Variants in KCNQ1 observed in about 807,000 individuals in gnomAD.
KCNQ1 encodes potassium voltage-gated channel subfamily KQT member 1.
Under a neutral mutation model 72.4 loss-of-function variants are expected in KCNQ1, and 49 were observed. That is an observed-to-expected ratio of 0.68 (90% CI 0.54 to 0.86). The LOEUF is 0.86. Ranked by LOEUF, KCNQ1 falls within the 40% of genes least tolerant of loss-of-function variation. KCNQ1 has a pLI of 0.00. For missense variants in KCNQ1, 790 were observed against 945.1 expected (o/e 0.84, Z 2.15); for synonymous variants, 450 against 412.6 (o/e 1.09, Z -1.10).
Position 2,602,965 on chromosome 11 carries a change from G to A in KCNQ1, c.1393+14111G>A, listed in dbSNP as rs1848828268. 6.6e-6 allele frequency among the ~76,000 whole-genome samples: 1 copy of A among 152,126 alleles called. No individual in the cohort carries two copies. The highest frequency in any genetic ancestry group is 1.5e-5 in the Non-Finnish European group (1 of 68,022). The stretch of plus-strand genomic sequence containing the variant: ...TTATGGATTACACTTCTGATGTCAG[G>A]TCTAAGAAGTCTTTGGCCCTGGACC... On this transcript the variant is annotated intron_variant, in intron 10 of 15. Transcript: ENST00000155840. The surrounding 1 kb of genome is among the most constrained non-coding windows in gnomAD (Gnocchi z 4.8).
In KCNQ1 at chr11:2,661,996, C is replaced by A. The variant is rs1162587598; in HGVS notation, c.1429C>A (p.Pro477Thr). The A allele has an allele frequency of 6.2e-7, 1 of 1,614,072 alleles. No homozygotes were observed. The highest frequency in any genetic ancestry group is 8.5e-7 in the Non-Finnish European group (1 of 1,180,034). Reference sequence around the variant, plus strand: ...CCCAACACTGCTGGAAGTGAGCATGCCCCATTTCATGAGAACCAACAGCTT... The same window carrying A: ...CCCAACACTGCTGGAAGTGAGCATGACCCATTTCATGAGAACCAACAGCTT... ...KSPTLLEVSM[P>T]HFMRTNSFAE... The change falls in exon 11 of 16, where the codon CCC becomes ACC. Residue 477 changes from proline to threonine, a missense_variant. Transcript: ENST00000155840. The surrounding 1 kb of genome is among the most constrained non-coding windows in gnomAD (Gnocchi z 5.9).
intron 11 of KCNQ1, among the ~76,000 whole-genome samples, chr11:2,758,313 C>G (rs74710550): frequency 5.2e-4 from 79 of 152,270 alleles, no homozygotes; most frequent in Non-Finnish European, 8.7e-4. Context: ...TGATCAACTT[C>G]GTTAGCAAAG....
chr11:2,728,239 C>A (rs975579979), intron 11 of KCNQ1, among the ~76,000 whole-genome samples: 2 of 152,208 alleles, frequency 1.3e-5, no homozygotes, highest in African/African-American at 4.8e-5. Flanking sequence ...CCTGACTTCT[C>A]TGTGGCTTCC....
intron 11 of KCNQ1, chr11:2,694,742 GA>G (rs1850646255): frequency 2.5e-6 from 1 of 398,530 alleles, no homozygotes; most frequent in Non-Finnish European, 4.4e-6. Context: ...CAAATAAGTA[GA>G]TGTCTAAGGA....
In KCNQ1 at chr11:2,446,255, G is replaced by A. The variant is rs144394272; in HGVS notation, c.386+771G>A. Among the ~76,000 whole-genome samples the A allele has an allele frequency of 6.6e-6, 1 of 152,278 alleles. No individual in the cohort carries two copies. Among genetic ancestry groups the A allele is most frequent in the Non-Finnish European group, 1.5e-5 (1 of 68,014 alleles). On this transcript the variant is annotated intron_variant, in intron 1 of 15. Coordinates refer to ENST00000155840, the MANE Select transcript of KCNQ1 (RefSeq NM_000218.3). The surrounding 1 kb of genome is among the most constrained non-coding windows in gnomAD (Gnocchi z 8.8). ...GGGACAGGCCTGGGAAGTCACCTCC[G>A]GGAAGGTCCAGGCTGCTCTCCTCCA...
chr11:2,821,014 T>C (rs565989002), intron 15 of KCNQ1, among the ~76,000 whole-genome samples: 1 of 152,346 alleles, frequency 6.6e-6, no homozygotes, highest in South Asian at 2.1e-4. Context: ...AGGGGTTCCT[T>C]AACCTGCCTT....
Position 2,664,743 on chromosome 11 carries a change from A to T in KCNQ1, c.1514+2662A>T. ...GCCCTGGTGTGTGTGAGGGACAGGG[A>T]TGTGTGCTGGGGTCTCACAGGGGGC... On this transcript the variant is annotated intron_variant, in intron 11 of 15. Coordinates refer to ENST00000155840, the MANE Select transcript of KCNQ1 (RefSeq NM_000218.3). This position sits in a 1 kb window ranked among gnomAD's most constrained non-coding sequence, Gnocchi z 5.1. 5.0e-6 allele frequency: 2 copies of T among 398,726 alleles called. No homozygotes were observed. Among genetic ancestry groups the T allele is most frequent in the Non-Finnish European group, 8.8e-6 (2 of 226,154 alleles). The allele number at this position is 398,726 out of a possible 1,614,324, so 24.7% of individuals were successfully genotyped here. A position where few individuals can be genotyped will look rare whatever the true frequency, so the allele number is the denominator to read the frequency against.
At chr11:2,801,938 C>T (rs1847274788) in intron 15 of KCNQ1, among the ~76,000 whole-genome samples, 1 of 152,370 alleles carries the variant, frequency 6.6e-6, no homozygotes. Flanking sequence ...AAGGCTGGAG[C>T]CCCGGGCAGG....
intron 11 of KCNQ1, among the ~76,000 whole-genome samples, chr11:2,738,648 A>T (rs1845998145): frequency 6.6e-6 from 1 of 152,034 alleles, no homozygotes; most frequent in Admixed American, 6.5e-5. Flanking sequence ...TAGCCTGGAG[A>T]GGGGCCTGTG....
intron 1 of KCNQ1, among the ~76,000 whole-genome samples, chr11:2,517,442 C>T (rs566398983): frequency 2.8e-4 from 43 of 152,258 alleles, no homozygotes; most frequent in Admixed American, 2.4e-3. Context: ...GGATTTGGGG[C>T]GCGTTCCCCA....
chr11:2,499,520 A>ACGC (rs1846974305), intron 1 of KCNQ1, among the ~76,000 whole-genome samples: 2 of 131,380 alleles, frequency 1.5e-5, no homozygotes, highest in Admixed American at 1.5e-4. Context: ...GGTTGAATGG[A>ACGC]CCCCTGCCCC....
Position 2,652,407 on chromosome 11 carries a change from T to C in KCNQ1, c.1394-9554T>C, listed in dbSNP as rs546464852. ...TAGATTAAAAACATTTTTTTCTTCCTGTGTAATTTTGTCTTGAAAATCAAG... is the reference window on the plus strand; with the variant it reads ...TAGATTAAAAACATTTTTTTCTTCCCGTGTAATTTTGTCTTGAAAATCAAG... On this transcript the variant is annotated intron_variant, in intron 10 of 15. Transcript: ENST00000155840. The surrounding 1 kb of genome is among the most constrained non-coding windows in gnomAD (Gnocchi z 5.9). 5 of 398,654 alleles carry C rather than the reference T, an allele frequency of 1.3e-5. No individual in the cohort carries two copies. Among genetic ancestry groups the C allele is most frequent in the African/African-American group, 6.2e-5 (3 of 48,758 alleles). 24.7% of individuals were successfully genotyped at this position (398,654 alleles called of 1,614,324 possible). A position where few individuals can be genotyped will look rare whatever the true frequency, so the allele number is the denominator to read the frequency against.
chr11:2,626,852 G>A lies in KCNQ1; in HGVS notation c.1394-35109G>A, dbSNP rs116235194. On this transcript the variant is annotated intron_variant, in intron 10 of 15. Coordinates refer to ENST00000155840, the MANE Select transcript of KCNQ1 (RefSeq NM_000218.3). The surrounding 1 kb of genome is among the most constrained non-coding windows in gnomAD (Gnocchi z 4.0). ...CTGTAGTAAGTTTTCAAATCAGAAA[G>A]TGTGAGTCCTCCAATGTTGTTCATC... 677 of 398,572 alleles carry A rather than the reference G, an allele frequency of 1.7e-3. 6 individuals are homozygous for A. The highest frequency in any genetic ancestry group is 0.012 in the African/African-American group (605 of 48,726). The allele number at this position is 398,572 out of a possible 1,614,324, so 24.7% of individuals were successfully genotyped here. A position where few individuals can be genotyped will look rare whatever the true frequency, so the allele number is the denominator to read the frequency against.
At position 2,463,747 on chromosome 11, in the gene KCNQ1, A is replaced by G. The variant is rs371303038; in HGVS notation, c.386+18263A>G. ...TGAGTTTGTGCAACTCGAGTTTCAGAGTGGCGGCCTCTGCTCCTCACAAGA... is the reference window on the plus strand; with the variant it reads ...TGAGTTTGTGCAACTCGAGTTTCAGGGTGGCGGCCTCTGCTCCTCACAAGA... On this transcript the variant is annotated intron_variant, in intron 1 of 15. Coordinates refer to ENST00000155840, the MANE Select transcript of KCNQ1 (RefSeq NM_000218.3). This position sits in a 1 kb window ranked among gnomAD's most constrained non-coding sequence, Gnocchi z 7.0. Among the ~76,000 whole-genome samples, 8 of 152,316 alleles carry G rather than the reference A, an allele frequency of 5.3e-5. No individual in the cohort carries two copies. In the East Asian group the frequency reaches 1.5e-3, roughly 29 times the overall value.
chr11:2,707,149 A>G (rs1469464584), intron 11 of KCNQ1, among the ~76,000 whole-genome samples: 1 of 152,162 alleles, frequency 6.6e-6, no homozygotes, highest in African/African-American at 2.4e-5. Context: ...GGGGTCAGCC[A>G]CAGAGAAGGG....
At chr11:2,554,643 C>T (rs1848041279) in intron 2 of KCNQ1, among the ~76,000 whole-genome samples, 1 of 152,224 alleles carries the variant, frequency 6.6e-6, no homozygotes, top group South Asian at 2.1e-4. Flanking sequence ...AAAGATCAGA[C>T]TTTCTCTGTT....
Position 2,541,694 on chromosome 11 carries a change from G to C in KCNQ1, c.477+13676G>C, listed in dbSNP as rs1325363707. Among the ~76,000 whole-genome samples, 1 of 137,210 alleles carries C rather than the reference G, an allele frequency of 7.3e-6. No homozygotes were observed. The highest frequency in any genetic ancestry group is 1.5e-5 in the Non-Finnish European group (1 of 65,626). The allele number at this position is 137,210 out of a possible 152,430, so 90.0% of individuals were successfully genotyped here. A position where few individuals can be genotyped will look rare whatever the true frequency, so the allele number is the denominator to read the frequency against. On this transcript the variant is annotated intron_variant, in intron 2 of 15. Transcript: ENST00000155840. The surrounding 1 kb of genome is among the most constrained non-coding windows in gnomAD (Gnocchi z 4.8). Reference sequence around the variant, plus strand: ...GTTCTCTTGCTTCATCTCAGGCTCAGGTGTTTTGAGTTTTTTTTTTTTTTT... The same window carrying C: ...GTTCTCTTGCTTCATCTCAGGCTCACGTGTTTTGAGTTTTTTTTTTTTTTT...
intron 15 of KCNQ1, among the ~76,000 whole-genome samples, chr11:2,797,932 G>A (rs1355090395): frequency 6.6e-6 from 1 of 152,206 alleles, no homozygotes; most frequent in African/African-American, 2.4e-5. Context: ...GGCAGCCCAG[G>A]CTGCTCAGGG....
chr11:2,615,271 G>T (rs1213663666), intron 10 of KCNQ1: 20 of 397,954 alleles, frequency 5.0e-5, no homozygotes, highest in Non-Finnish European at 8.9e-5. Flanking sequence ...CAATTTTGCT[G>T]GACTTGTTTA....
Sources: gnomAD v4.1 joint callset for allele counts (sites outside exome capture counted in the v4.1 genomes callset) on GRCh38, gnomAD v4.1.1 for gene constraint, Gnocchi (gnomAD v3.1) non-coding constraint, MANE v1.5 for transcripts, NCBI Gene and HGNC (gene_info 2026-07-23, HGNC 2026-07-21) for gene names.